Variants in FNDC3A observed in about 807,000 individuals in gnomAD.
FNDC3A encodes the protein fibronectin type III domain containing 3A.
FNDC3A carries 32 observed loss-of-function variants against 148.9 expected under a neutral mutation model. The ratio of observed to expected loss-of-function variants is 0.21; its 90% CI spans 0.16 to 0.29. The LOEUF (loss-of-function observed/expected upper bound fraction) is 0.29. Among genes scored for constraint, FNDC3A ranks in the 10% least tolerant of loss-of-function variants. FNDC3A has a pLI of 1.00. For synonymous variants in FNDC3A, 472 were observed against 473.6 expected (o/e 1.00, Z 0.04); for missense variants, 1,191 against 1,452.8 (o/e 0.82, Z 2.93).
chr13:49,018,369 T>C (rs997648993), intron 2 of FNDC3A, among the ~76,000 whole-genome samples: 1 of 152,216 alleles, frequency 6.6e-6, no homozygotes, highest in Non-Finnish European at 1.5e-5. Flanking sequence ...CCATCGCTGA[T>C]ACCCTTTCTT....
rs909674962 is a variant in FNDC3A, at chr13:49,207,524, C to T, written c.*129C>T. 9 of 612,500 alleles carry T rather than the reference C, an allele frequency of 1.5e-5. No individual in the cohort carries two copies. In the African/African-American group the frequency reaches 1.7e-4, roughly 11 times the overall value. 37.9% of individuals were successfully genotyped at this position (612,500 alleles called of 1,614,324 possible). A position where few individuals can be genotyped will look rare whatever the true frequency, so the allele number is the denominator to read the frequency against. ...TGAGACTATAGCACATCATTTTTGC[C>T]ATTTTCAGTGCTTATATTGTTAGGT... On this transcript the variant is annotated 3_prime_UTR_variant, in exon 26 of 26. Coordinates refer to ENST00000492622, the MANE Select transcript of FNDC3A (RefSeq NM_001079673.2).
intron 5 of FNDC3A, 72 bp from the exon 6 acceptor site, chr13:49,136,260 G>A (rs1882349221): frequency 7.8e-7 from 1 of 1,290,122 alleles, no homozygotes; most frequent in Non-Finnish European, 1.1e-6. Flanking sequence ...TTTATTTTCT[G>A]TTCTTTTTTC....
chr13:49,021,560 C>A lies in FNDC3A; in HGVS notation c.99+15271C>A, dbSNP rs148069683. On this transcript the variant is annotated intron_variant, in intron 2 of 25. Coordinates refer to ENST00000492622, the MANE Select transcript of FNDC3A (RefSeq NM_001079673.2). ...TGCTGCTGTGATTCTGAGACTTTTC[C>A]AAGGCTTTTGTGAAGCTGGGGAGAC... Among the ~76,000 whole-genome samples the A allele has an allele frequency of 4.9e-3, 742 of 152,228 alleles. 11 individuals carry two copies. Among genetic ancestry groups the A allele is most frequent in the African/African-American group, 0.017 (722 of 41,530 alleles).
At chr13:49,013,132 A>G (rs553077506) in intron 2 of FNDC3A, among the ~76,000 whole-genome samples, 17 of 152,186 alleles carry the variant, frequency 1.1e-4, no homozygotes, top group Admixed American at 3.3e-4. Flanking sequence ...CCTGTGCAAC[A>G]TATAGTAAGA....
rs528046892 is a variant in FNDC3A, at chr13:49,161,984, T to A, written c.978-5260T>A. ...TTTCTGCCGAGAGATCTGCTGTTAG[T>A]CTGATGGGCTTCCCTTTGTGGGTAA... On this transcript the variant is annotated intron_variant, in intron 8 of 25. Transcript: ENST00000492622. Among the ~76,000 whole-genome samples, 236 of 152,346 alleles carry A rather than the reference T, an allele frequency of 1.5e-3. 1 individual carries two copies. Among genetic ancestry groups the A allele is most frequent in the South Asian group, 0.012 (60 of 4,828 alleles).
chr13:49,128,374 C>T (rs1232816187), intron 4 of FNDC3A, among the ~76,000 whole-genome samples: 1 of 152,160 alleles, frequency 6.6e-6, no homozygotes, highest in African/African-American at 2.4e-5. Context: ...TATAAGGTTA[C>T]ATCAGGAATT....
intron 2 of FNDC3A, among the ~76,000 whole-genome samples, chr13:49,024,557 AT>A (rs1385222398): frequency 5.3e-5 from 8 of 152,046 alleles, no homozygotes. Context: ...TATCACAGGA[AT>A]GTAAGAATTG....
chr13:49,203,036 T>C, intron 24 of FNDC3A, 121 bp from the exon 25 acceptor site: 1 of 699,510 alleles, frequency 1.4e-6, no homozygotes, highest in South Asian at 2.2e-5. Context: ...TCACTGATAC[T>C]TATTTCAAGT....
intron 1 of FNDC3A, among the ~76,000 whole-genome samples, chr13:48,979,173 G>A (rs1018815250): frequency 6.6e-5 from 10 of 152,126 alleles, no homozygotes; most frequent in Non-Finnish European, 1.5e-5. Context: ...ACACCTGGGA[G>A]ATGTCATGTG....
chr13:49,186,930 G>A (rs768596589), intron 15 of FNDC3A, among the ~76,000 whole-genome samples, 192 bp from the exon 16 acceptor site: 1 of 151,860 alleles, frequency 6.6e-6, no homozygotes, highest in Non-Finnish European at 1.5e-5. Flanking sequence ...GTTATAGAGA[G>A]CCATATTTTA....
At chr13:49,010,507 G>A (rs1952318085) in intron 2 of FNDC3A, among the ~76,000 whole-genome samples, 2 of 152,138 alleles carry the variant, frequency 1.3e-5, no homozygotes, top group South Asian at 2.1e-4. Context: ...AATATAATTG[G>A]CCCTGTGATG....
intron 2 of FNDC3A, among the ~76,000 whole-genome samples, chr13:49,015,173 T>C (rs920946462): frequency 6.6e-6 from 1 of 152,206 alleles, no homozygotes; most frequent in African/African-American, 2.4e-5. Context: ...GCATTGAATC[T>C]GTAAATTACC....
intron 2 of FNDC3A, among the ~76,000 whole-genome samples, chr13:49,043,675 T>C (rs1031111522): frequency 1.3e-5 from 2 of 152,224 alleles, no homozygotes; most frequent in African/African-American, 2.4e-5. Context: ...CATTTTTTTT[T>C]CTAAGTCTTA....
chr13:49,116,615 GTC>G (rs1880978137), intron 4 of FNDC3A, among the ~76,000 whole-genome samples: 1 of 152,062 alleles, frequency 6.6e-6, no homozygotes, highest in South Asian at 2.1e-4. Context: ...GTGAAACCCT[GTC>G]TCTACAAAAA....
intron 2 of FNDC3A, among the ~76,000 whole-genome samples, chr13:49,067,330 C>A (rs1297030888): frequency 2.6e-5 from 4 of 152,152 alleles, no homozygotes; most frequent in African/African-American, 9.7e-5. Flanking sequence ...TTTCTTAATT[C>A]CCTCTCTAAT....
intron 17 of FNDC3A, among the ~76,000 whole-genome samples, chr13:49,189,761 A>G (rs945655965): frequency 6.6e-6 from 1 of 152,246 alleles, no homozygotes; most frequent in Non-Finnish European, 1.5e-5. Context: ...CTGTTCTACT[A>G]TAGCATTTTA....
intron 16 of FNDC3A, 128 bp downstream of exon 16, chr13:49,187,318 T>C: frequency 1.1e-6 from 1 of 887,420 alleles, no homozygotes; most frequent in Non-Finnish European, 1.7e-6. Flanking sequence ...TAAAAAGATG[T>C]TCACTTCACT....
chr13:49,121,959 A>G (rs2137898713), intron 4 of FNDC3A, among the ~76,000 whole-genome samples: 1 of 152,350 alleles, frequency 6.6e-6, no homozygotes, highest in South Asian at 2.1e-4. Flanking sequence ...AAAGTATTAC[A>G]AACAACAGAA....
At chr13:49,118,728 A>G (rs1881131370) in intron 4 of FNDC3A, among the ~76,000 whole-genome samples, 1 of 152,222 alleles carries the variant, frequency 6.6e-6, no homozygotes, top group African/African-American at 2.4e-5. Flanking sequence ...CAGTGTAAAC[A>G]AAGCCACCAG....
Sources: gnomAD v4.1 joint callset for allele counts (sites outside exome capture counted in the v4.1 genomes callset) on GRCh38, gnomAD v4.1.1 for gene constraint, MANE v1.5 for transcripts, NCBI Gene and HGNC (gene_info 2026-07-23, HGNC 2026-07-21) for gene names.